Variants in RAD52 observed in about 807,000 individuals in gnomAD.
The protein encoded by RAD52 is RAD52 DNA repair protein.
Under a neutral mutation model 55.5 loss-of-function variants are expected in RAD52, and 47 were observed. That is an observed-to-expected ratio of 0.85 (90% CI 0.67 to 1.08). RAD52 has a LOEUF of 1.08. RAD52 is among the 50% of genes least tolerant of loss of function. The probability of loss-of-function intolerance (pLI) is 0.00; values close to 1 mark genes in which losing one functional copy is unlikely to be tolerated. For missense variants in RAD52, 468 were observed against 522.8 expected (o/e 0.90, Z 1.02); for synonymous variants, 184 against 198.9 (o/e 0.92, Z 0.63).
rs1956229378 is a variant in RAD52, at chr12:914,047, T to C, written c.1042A>G (p.Arg348Gly). Residue 348 changes from arginine to glycine, a missense_variant, in exon 11 of 12, where the codon AGA becomes GGA. Physicochemically the swap from Arg to Gly is moderately radical, Grantham distance 125. Coordinates refer to ENST00000358495, the MANE Select transcript of RAD52 (RefSeq NM_134424.4). ...AGDGVVKPSS[R>G]ADPAQTSDTL... ...TCAGAGGTCTGGGCTGGGTCTGCTC[T>C]AGACGAGGGCTTGACCACACCATCC... is the stretch of plus-strand genomic sequence containing the variant. 6.2e-7 allele frequency: 1 copy of C among 1,614,198 alleles called. No homozygotes were observed. The highest frequency in any genetic ancestry group is 8.5e-7 in the Non-Finnish European group (1 of 1,180,028).
intron 1 of RAD52, chr12:976,068 C>G (rs1958931010): frequency 6.6e-6 from 1 of 152,210 alleles, no homozygotes; most frequent in African/African-American, 2.4e-5. Context: ...GTCTGTAATC[C>G]CAGCACTTTG....
At chr12:931,669 T>C (rs1957332419) in intron 2 of RAD52, among the ~76,000 whole-genome samples, 1 of 152,226 alleles carries the variant, frequency 6.6e-6, no homozygotes, top group Non-Finnish European at 1.5e-5. Context: ...GAGAACTGCA[T>C]TTTGAGAACT....
At chr12:930,633 TA>T (rs145300226) in intron 3 of RAD52, among the ~76,000 whole-genome samples, 5,159 of 144,584 alleles carry the variant, frequency 0.036, 187 homozygotes, top group Admixed American at 0.11. Flanking sequence ...AGTGTTTAAT[TA>T]AAAAAAAAAA....
chr12:970,817 A>C (rs1299709472), intron 1 of RAD52, among the ~76,000 whole-genome samples: 1 of 152,104 alleles, frequency 6.6e-6, no homozygotes, highest in Non-Finnish European at 1.5e-5. Context: ...AGCAAAGGGA[A>C]TGTTCTATTA....
chr12:945,277 G>A (rs1958150744), intron 1 of RAD52, among the ~76,000 whole-genome samples: 1 of 151,696 alleles, frequency 6.6e-6, no homozygotes, highest in Non-Finnish European at 1.5e-5. Context: ...CTTGAATCCA[G>A]GAGGCGAAGG....
intron 2 of RAD52, among the ~76,000 whole-genome samples, chr12:932,289 G>A (rs1376233113): frequency 6.6e-6 from 1 of 152,226 alleles, no homozygotes; most frequent in African/African-American, 2.4e-5. Context: ...GAGGTCAGGA[G>A]TTCGAGACCA....
At chr12:978,657 G>T (rs1227451889) in intron 1 of RAD52, among the ~76,000 whole-genome samples, 1 of 151,950 alleles carries the variant, frequency 6.6e-6, no homozygotes, top group Non-Finnish European at 1.5e-5. Context: ...AAAGAAATTA[G>T]CTGGGCATGG....
At chr12:949,230 C>T (rs1251082108) in intron 1 of RAD52, among the ~76,000 whole-genome samples, 1 of 152,116 alleles carries the variant, frequency 6.6e-6, no homozygotes, top group Non-Finnish European at 1.5e-5. Flanking sequence ...CCAGCGTCCC[C>T]CGCTCCCTGC....
At chr12:937,524 C>G (rs1186321429) in intron 1 of RAD52, among the ~76,000 whole-genome samples, 1 of 152,052 alleles carries the variant, frequency 6.6e-6, no homozygotes, top group African/African-American at 2.4e-5. Context: ...CTCCCAGATT[C>G]AAGCAATTCT....
At chr12:971,991 G>A (rs1005769963) in intron 1 of RAD52, among the ~76,000 whole-genome samples, 7 of 152,024 alleles carry the variant, frequency 4.6e-5, no homozygotes, top group African/African-American at 7.2e-5. Flanking sequence ...CTCGTGATCC[G>A]CCCGCCTCGG....
intron 3 of RAD52, among the ~76,000 whole-genome samples, chr12:930,495 A>G (rs1377076069): frequency 5.9e-5 from 9 of 152,184 alleles, no homozygotes; most frequent in Non-Finnish European, 4.4e-5. Flanking sequence ...AGCAGTTGCT[A>G]AAATTCAGTT....
chr12:967,689 C>T (rs7309619), intron 1 of RAD52, among the ~76,000 whole-genome samples: 78,358 of 151,852 alleles, frequency 0.52, 20,822 homozygotes, highest in Non-Finnish European at 0.57. Flanking sequence ...ACTGAAGCCT[C>T]GACTTCCCTG....
At chr12:975,595 T>A (rs557830098) in intron 1 of RAD52, 1 of 152,194 alleles carries the variant, frequency 6.6e-6, no homozygotes, top group Non-Finnish European at 1.5e-5. Context: ...CCAGTGGAAT[T>A]TGGGCATAAG....
intron 1 of RAD52, among the ~76,000 whole-genome samples, chr12:942,041 T>C (rs1020679163): frequency 1.3e-5 from 2 of 152,210 alleles, no homozygotes; most frequent in African/African-American, 4.8e-5. Context: ...AATTGATCCA[T>C]AGATTCAATG....
At chr12:982,572 T>A (rs550367633) in intron 1 of RAD52, among the ~76,000 whole-genome samples, 1 of 151,956 alleles carries the variant, frequency 6.6e-6, no homozygotes, top group Non-Finnish European at 1.5e-5. Context: ...TTTCCGATAA[T>A]ATGTTCCTAA....
In RAD52 at chr12:912,084, C is replaced by G. The variant is rs1434179161; in HGVS notation, c.*1307G>C. The G allele has an allele frequency of 2.0e-5, 4 of 200,108 alleles. No homozygotes were observed. Among genetic ancestry groups the G allele is most frequent in the African/African-American group, 9.2e-5 (4 of 43,382 alleles). The allele number at this position is 200,108 out of a possible 1,614,324, so 12.4% of individuals were successfully genotyped here. A position where few individuals can be genotyped will look rare whatever the true frequency, so the allele number is the denominator to read the frequency against. On this transcript the variant is annotated 3_prime_UTR_variant, in exon 12 of 12. Transcript: ENST00000358495. ...TTTTGGGGGAAGAATTATGAAACAT[C>G]TGAGCACTATGAAAAGCCAATTTAT...
rs114647498 is a variant in RAD52, at chr12:958,729, G to A, written c.-18-25653C>T. Among the ~76,000 whole-genome samples the A allele has an allele frequency of 1.7e-3, 265 of 152,346 alleles. 1 individual carries two copies. Among genetic ancestry groups the A allele is most frequent in the African/African-American group, 6.3e-3 (260 of 41,582 alleles). On this transcript the variant is annotated intron_variant, in intron 1 of 11. Transcript: ENST00000430095. Reference sequence around the variant, plus strand: ...ATGGTGTGCTTCACGTGGAACACAGGCTGAAATGGGAAGGATCTGGGTCCT... The same window carrying A: ...ATGGTGTGCTTCACGTGGAACACAGACTGAAATGGGAAGGATCTGGGTCCT...
chr12:946,042 C>T (rs1472902892), intron 1 of RAD52, among the ~76,000 whole-genome samples: 5 of 151,852 alleles, frequency 3.3e-5, no homozygotes, highest in Non-Finnish European at 7.4e-5. Flanking sequence ...CAAAAAAACA[C>T]GGTGGGAACA....
chr12:966,921 C>A (rs997845349), intron 1 of RAD52, among the ~76,000 whole-genome samples: 1 of 151,838 alleles, frequency 6.6e-6, no homozygotes, highest in Non-Finnish European at 1.5e-5. Flanking sequence ...AAAAAAAAAT[C>A]TATTTTGGCT....
Sources: gnomAD v4.1 joint callset for allele counts (sites outside exome capture counted in the v4.1 genomes callset) on GRCh38, gnomAD v4.1.1 for gene constraint, MANE v1.5 for transcripts, NCBI Gene and HGNC (gene_info 2026-07-23, HGNC 2026-07-21) for gene names.